GCNT1: variants seen among roughly 807,000 people sequenced by gnomAD.
GCNT1 encodes beta-1,3-galactosyl-O-glycosyl-glycoprotein beta-1,6-N-acetylglucosaminyltransferase.
Under a neutral mutation model 26.2 loss-of-function variants are expected in GCNT1, and 16 were observed. The observed-to-expected ratio is 0.61, with a 90% confidence interval of 0.41 to 0.93. The LOEUF (loss-of-function observed/expected upper bound fraction) is 0.93, where lower values mean the gene tolerates loss of function less well. Among genes scored for constraint, GCNT1 ranks in the 40% least tolerant of loss-of-function variants. The pLI is 0.00. For synonymous variants in GCNT1, 183 were observed against 190.8 expected (o/e 0.96, Z 0.34); for missense variants, 477 against 526.7 (o/e 0.91, Z 0.92).
chr9:76,406,539 G>A, the GCNT1 span, among the ~76,000 whole-genome samples: 3 of 151,202 alleles, frequency 2.0e-5, no homozygotes, highest in African/African-American at 4.9e-5. Context: ...AGAAAAATTG[G>A]CTAGGCGTGG....
At chr9:76,479,248 G>A (rs554637988) in intron 2 of GCNT1, among the ~76,000 whole-genome samples, 10 of 152,274 alleles carry the variant, frequency 6.6e-5, no homozygotes, top group African/African-American at 1.7e-4. Flanking sequence ...TCTTAATCCA[G>A]TCTATCATTG....
upstream of GCNT1, among the ~76,000 whole-genome samples, chr9:76,437,561 T>C (rs963335946): frequency 1.3e-5 from 2 of 152,232 alleles, no homozygotes; most frequent in African/African-American, 2.4e-5. Flanking sequence ...CCAGCAACCC[T>C]TGGGGATGCT....
chr9:76,400,362 A>G, the GCNT1 span, among the ~76,000 whole-genome samples: 3 of 152,054 alleles, frequency 2.0e-5, no homozygotes, highest in Non-Finnish European at 2.9e-5. Flanking sequence ...CCCTCCTCCC[A>G]CTGAATGCAA....
chr9:76,500,663 T>C (rs1164412226), intron 2 of GCNT1, among the ~76,000 whole-genome samples: 1 of 152,200 alleles, frequency 6.6e-6, no homozygotes, highest in Non-Finnish European at 1.5e-5. Flanking sequence ...TTAAGGGAAA[T>C]GCTGCTAGAG....
chr9:76,481,608 C>T (rs1824424270), intron 2 of GCNT1, among the ~76,000 whole-genome samples: 1 of 152,052 alleles, frequency 6.6e-6, no homozygotes, highest in Non-Finnish European at 1.5e-5. Context: ...TTTATCACTA[C>T]CTGTAAGGCT....
chr9:76,485,790 G>A (rs886327172), intron 2 of GCNT1, among the ~76,000 whole-genome samples: 9 of 151,626 alleles, frequency 5.9e-5, no homozygotes, highest in Admixed American at 2.0e-4. Flanking sequence ...CTGAAGTGCA[G>A]TGGCTCAGTC....
At chr9:76,497,207 A>G (rs1310031527) in intron 2 of GCNT1, among the ~76,000 whole-genome samples, 1 of 152,144 alleles carries the variant, frequency 6.6e-6, no homozygotes, top group Non-Finnish European at 1.5e-5. Flanking sequence ...TTATTTTGGT[A>G]TTTATTCCTT....
At chr9:76,451,715 C>T (rs888808565) in intron 1 of GCNT1, among the ~76,000 whole-genome samples, 1 of 152,118 alleles carries the variant, frequency 6.6e-6, no homozygotes, top group African/African-American at 2.4e-5. Flanking sequence ...TTCCAGCCTC[C>T]AGAATTGTGA....
intron 2 of GCNT1, among the ~76,000 whole-genome samples, chr9:76,491,741 C>T (rs56393434): frequency 0.082 from 12,541 of 152,220 alleles, 575 homozygotes; most frequent in Middle Eastern, 0.17. Flanking sequence ...TAAGTCTGGA[C>T]AATAATTTGT....
the GCNT1 span, among the ~76,000 whole-genome samples, chr9:76,413,206 C>A: frequency 1.3e-5 from 2 of 152,174 alleles, no homozygotes; most frequent in African/African-American, 4.8e-5. Context: ...CTGGCCAGGG[C>A]TTTTCTGAAG....
chr9:76,437,782 T>TA (rs1431604767), upstream of GCNT1, among the ~76,000 whole-genome samples: 17 of 152,282 alleles, frequency 1.1e-4, no homozygotes, highest in African/African-American at 3.9e-4. Context: ...GCAGAATATT[T>TA]ATTAGGTTTG....
At chr9:76,432,537 G>C (rs113772217) in intron 1 of GCNT1, among the ~76,000 whole-genome samples, 1 of 151,828 alleles carries the variant, frequency 6.6e-6, no homozygotes, top group Admixed American at 6.6e-5. Flanking sequence ...ACAGGGTTTC[G>C]CCATGTTGCC....
In GCNT1 at chr9:76,459,318, C is replaced by G. The variant is rs752259721; in HGVS notation, c.-408+13C>G. On this transcript the variant is annotated intron_variant, in intron 1 of 3. Transcript: ENST00000376730. ...ACGCCCACTCCAGGTAACCGGCTCT[C>G]CCTCGTGTTCCCCTGCTCGGCCGCC... 2.6e-5 allele frequency: 4 copies of G among 152,424 alleles called. No individual in the cohort carries two copies. The highest frequency in any genetic ancestry group is 4.4e-5 in the Non-Finnish European group (3 of 68,186). The allele number at this position is 152,424 out of a possible 1,614,324, so 9.4% of individuals were successfully genotyped here. A position where few individuals can be genotyped will look rare whatever the true frequency, so the allele number is the denominator to read the frequency against.
intron 2 of GCNT1, among the ~76,000 whole-genome samples, chr9:76,481,029 AG>A (rs1205475614): frequency 6.6e-6 from 1 of 152,112 alleles, no homozygotes; most frequent in Non-Finnish European, 1.5e-5. Flanking sequence ...GCTTGAGGCC[AG>A]GAGTTCGAAA....
At chr9:76,450,334 G>C (rs1323359380) in intron 1 of GCNT1, among the ~76,000 whole-genome samples, 1 of 152,138 alleles carries the variant, frequency 6.6e-6, no homozygotes, top group Non-Finnish European at 1.5e-5. Context: ...ATATTTGTAT[G>C]AGTCATGATT....
chr9:76,453,460 T>C (rs866374731), intron 1 of GCNT1, among the ~76,000 whole-genome samples: 1 of 152,230 alleles, frequency 6.6e-6, no homozygotes, highest in African/African-American at 2.4e-5. Context: ...AGGTTACCTT[T>C]AGTAAATTGT....
intron 2 of GCNT1, among the ~76,000 whole-genome samples, chr9:76,468,715 C>A (rs539817460): frequency 6.6e-6 from 1 of 152,188 alleles, no homozygotes; most frequent in East Asian, 1.9e-4. Flanking sequence ...TTGCCTCTTT[C>A]CAATTTTGCT....
chr9:76,452,349 T>A (rs1007234058), intron 1 of GCNT1, among the ~76,000 whole-genome samples: 14 of 152,176 alleles, frequency 9.2e-5, no homozygotes, highest in African/African-American at 2.9e-4. Context: ...CTAAAAAAAA[T>A]TTACATAAGC....
chr9:76,445,693 G>A (rs79747145), intron 1 of GCNT1, among the ~76,000 whole-genome samples: 2,535 of 151,922 alleles, frequency 0.017, 79 homozygotes, highest in African/African-American at 0.058. Flanking sequence ...TAAAAACTGT[G>A]GCTAGGTGGG....
Sources: allele counts gnomAD v4.1 joint callset (sites outside exome capture counted in the v4.1 genomes callset), GRCh38; gene constraint gnomAD v4.1.1; transcripts MANE v1.5; gene names NCBI Gene and HGNC (gene_info 2026-07-23, HGNC 2026-07-21).